The following AMBRA1 variants were observed in gnomAD, a reference collection of about 807,000 sequenced individuals.
AMBRA1 encodes autophagy and beclin 1 regulator 1.
Under a neutral mutation model 125.4 loss-of-function variants are expected in AMBRA1, and 47 were observed. That is an observed-to-expected ratio of 0.37 (90% CI 0.30 to 0.48). The LOEUF is 0.48. Among genes scored for constraint, AMBRA1 ranks in the 20% least tolerant of loss-of-function variants. AMBRA1 has a pLI of 0.99. For synonymous variants in AMBRA1, 626 were observed against 655.5 expected, an observed-to-expected ratio of 0.95 and a Z score of 0.69; for missense variants, 1,331 against 1,693.4, an observed-to-expected ratio of 0.79 and a Z score of 3.76.
intron 11 of AMBRA1, among the ~76,000 whole-genome samples, chr11:46,449,956 G>C (rs1318882748): frequency 6.6e-6 from 1 of 151,990 alleles, no homozygotes; most frequent in African/African-American, 2.4e-5. Flanking sequence ...CTATTCAGGA[G>C]GCTGAAGCAG....
intron 8 of AMBRA1, among the ~76,000 whole-genome samples, chr11:46,509,828 A>C (rs1018392976): frequency 6.6e-6 from 1 of 152,212 alleles, no homozygotes. Context: ...TAATGTTTGA[A>C]TATAAAAGGA....
chr11:46,578,441 C>G (rs937124117), intron 1 of AMBRA1, among the ~76,000 whole-genome samples: 1 of 149,762 alleles, frequency 6.7e-6, no homozygotes, highest in African/African-American at 2.5e-5. Context: ...GAGCCAAGAT[C>G]GCACCACTGC....
chr11:46,489,215 C>T (rs1290758207), intron 11 of AMBRA1, among the ~76,000 whole-genome samples: 1 of 152,142 alleles, frequency 6.6e-6, no homozygotes, highest in African/African-American at 2.4e-5. Context: ...ATCCCTCCCC[C>T]GCTCTCCCCA....
intron 15 of AMBRA1, among the ~76,000 whole-genome samples, chr11:46,413,011 G>A (rs1488039078): frequency 6.6e-6 from 1 of 152,202 alleles, no homozygotes; most frequent in Non-Finnish European, 1.5e-5. Context: ...AGCCAGGGCT[G>A]GTTAGTGACA....
intron 3 of AMBRA1, chr11:46,547,554 T>G: frequency 3.5e-6 from 2 of 572,344 alleles, no homozygotes; most frequent in Non-Finnish European, 6.1e-6. Flanking sequence ...ATCATACCAC[T>G]GGTGAGCTGT....
chr11:46,423,732 G>T (rs1386747752), intron 14 of AMBRA1, among the ~76,000 whole-genome samples: 1 of 148,246 alleles, frequency 6.7e-6, no homozygotes, highest in Non-Finnish European at 1.5e-5. Flanking sequence ...TGACAGAGCA[G>T]GACTAACTCA....
At chr11:46,491,241 T>C (rs1950449659) in intron 11 of AMBRA1, 1 of 152,238 alleles carries the variant, frequency 6.6e-6, no homozygotes, top group Admixed American at 6.5e-5. Flanking sequence ...TTTAATGTTT[T>C]GTCCTTTAAA....
intron 15 of AMBRA1, 23 bp downstream of exon 15, chr11:46,417,889 AC>A (rs778161630): frequency 1.8e-5 from 28 of 1,585,516 alleles, no homozygotes; most frequent in Non-Finnish European, 2.4e-5. Flanking sequence ...TGATCCCTCA[AC>A]CCCCACACTT....
intron 17 of AMBRA1, among the ~76,000 whole-genome samples, chr11:46,401,621 C>G (rs571472959): frequency 2.8e-4 from 43 of 152,188 alleles, no homozygotes; most frequent in Non-Finnish European, 6.0e-4. Flanking sequence ...CAGAGAGCCC[C>G]GGATGGGCTT....
chr11:46,416,019 G>C (rs1946529439), intron 15 of AMBRA1, among the ~76,000 whole-genome samples: 1 of 152,112 alleles, frequency 6.6e-6, no homozygotes, highest in South Asian at 2.1e-4. Flanking sequence ...TTTTGCAAGG[G>C]AGAGGACTAG....
chr11:46,452,750 G>A (rs1376367558), intron 11 of AMBRA1, among the ~76,000 whole-genome samples: 1 of 152,146 alleles, frequency 6.6e-6, no homozygotes, highest in African/African-American at 2.4e-5. Flanking sequence ...TGAAATCACA[G>A]TCAATGTATC....
Position 46,543,149 on chromosome 11 carries a change from G to A in AMBRA1, c.868C>T (p.Leu290Phe), listed in dbSNP as rs772885859. Residue 290 changes from leucine (L) to phenylalanine (F), a missense_variant, in exon 7 of 18, where the codon CTC becomes TTC. Physicochemically the swap from Leu to Phe is conservative, Grantham distance 22 (BLOSUM62 0). This residue lies in a region of AMBRA1 where 689 missense variants were observed against 776.5 expected (regional missense o/e 0.89). Transcript: ENST00000683756. ...GTGGGGTAACTGACCCGCTGTCGGAGCCTGATGTAAGCGGAAGTCCTGGGG... is the reference window on the plus strand; with the variant it reads ...GTGGGGTAACTGACCCGCTGTCGGAACCTGATGTAAGCGGAAGTCCTGGGG... The part of the protein sequence containing the change: ...ERPRTSAYIR[L>F]RQRVSYPTAE... 1.0e-5 allele frequency: 16 copies of A among 1,566,540 alleles called. No homozygotes were observed. The East Asian group carries it at 3.8e-4, about 37-fold the overall frequency.
intron 15 of AMBRA1, among the ~76,000 whole-genome samples, chr11:46,411,104 AAAAAAAAAAAG>A (rs1946272053): frequency 6.6e-6 from 1 of 150,948 alleles, no homozygotes; most frequent in Non-Finnish European, 1.5e-5. Context: ...TGTCTCAAAA[AAAAAAAAAAAG>A]AAAAAAAAAA....
At chr11:46,471,344 C>T (rs1263093484) in intron 11 of AMBRA1, among the ~76,000 whole-genome samples, 4 of 151,816 alleles carry the variant, frequency 2.6e-5, no homozygotes, top group African/African-American at 7.3e-5. Context: ...TTTGGGAGGC[C>T]GAGGCAGGAG....
At chr11:46,428,741 T>C in intron 14 of AMBRA1, 1 of 1,609,974 alleles carries the variant, frequency 6.2e-7, no homozygotes, top group Non-Finnish European at 8.5e-7. Context: ...GGCTTTCTTG[T>C]CGGCACCAGG....
chr11:46,406,201 C>T (rs1350058572), intron 17 of AMBRA1, among the ~76,000 whole-genome samples: 1 of 151,134 alleles, frequency 6.6e-6, no homozygotes, highest in Non-Finnish European at 1.5e-5. Flanking sequence ...TTACAGGTGC[C>T]CACCACCATG....
chr11:46,412,394 C>G (rs1011393826), intron 15 of AMBRA1, among the ~76,000 whole-genome samples: 4 of 152,202 alleles, frequency 2.6e-5, no homozygotes, highest in African/African-American at 9.7e-5. Flanking sequence ...AGGTGATTCT[C>G]CTACCTCAGC....
At chr11:46,519,787 T>C (rs1035772026) in intron 7 of AMBRA1, among the ~76,000 whole-genome samples, 4 of 152,226 alleles carry the variant, frequency 2.6e-5, no homozygotes, top group African/African-American at 9.6e-5. Flanking sequence ...CTTTTGGATA[T>C]ACTATATGCT....
Position 46,538,686 on chromosome 11 carries a change from C to T in AMBRA1, c.2072+3259G>A, listed in dbSNP as rs201008226. On this transcript the variant is annotated intron_variant, in intron 7 of 17. Coordinates refer to ENST00000683756, the MANE Select transcript of AMBRA1 (RefSeq NM_001387011.1). ...ATTTTTTTTGTATTTTTAATAGAGA[C>T]GCGGTTTTACCATGTTAGCCAGGCT... Among the ~76,000 whole-genome samples the T allele has an allele frequency of 2.0e-5, 3 of 152,152 alleles. No homozygotes were observed. The East Asian group carries it at 5.8e-4, about 29-fold the overall frequency.
Sources: allele counts gnomAD v4.1 joint callset (sites outside exome capture counted in the v4.1 genomes callset), GRCh38; gene constraint gnomAD v4.1.1; regional missense constraint gnomAD v4.1.1; transcripts MANE v1.5; gene names NCBI Gene and HGNC (gene_info 2026-07-23, HGNC 2026-07-21).